ZBTB7C: variants seen among roughly 807,000 people sequenced by gnomAD.
ZBTB7C encodes zinc finger and BTB domain containing 7C, also known as zinc finger and BTB domain-containing protein 7C.
In ZBTB7C, 8 loss-of-function variants were observed where a neutral mutation model predicts 25.7. The ratio of observed to expected loss-of-function variants is 0.31; its 90% CI spans 0.18 to 0.56. The LOEUF is 0.56. Among genes scored for constraint, ZBTB7C ranks in the 20% least tolerant of loss-of-function variants. The probability of loss-of-function intolerance (pLI) is 0.91; values close to 1 mark genes in which losing one functional copy is unlikely to be tolerated. For missense variants in ZBTB7C, 824 were observed against 855.2 expected, an observed-to-expected ratio of 0.96 and a Z score of 0.46; for synonymous variants, 394 against 369.0, an observed-to-expected ratio of 1.07 and a Z score of -0.78.
intron 2 of ZBTB7C, among the ~76,000 whole-genome samples, chr18:48,309,006 G>T (rs1175137405): frequency 1.3e-5 from 2 of 152,190 alleles, no homozygotes; most frequent in Non-Finnish European, 2.9e-5. Flanking sequence ...TCTACCTGAA[G>T]ATTCTAGAAC....
At chr18:48,340,218 T>G (rs969090529) in intron 1 of ZBTB7C, among the ~76,000 whole-genome samples, 1 of 152,216 alleles carries the variant, frequency 6.6e-6, no homozygotes, top group Non-Finnish European at 1.5e-5. Context: ...CATTCCTACT[T>G]AGCAAGGAAA....
At chr18:48,255,521 C>G (rs1325058816) in intron 2 of ZBTB7C, among the ~76,000 whole-genome samples, 2 of 152,100 alleles carry the variant, frequency 1.3e-5, no homozygotes, top group Non-Finnish European at 2.9e-5. Context: ...GTTTATCTGA[C>G]CTTCCAAGAA....
chr18:48,120,545 G>A (rs1472817224), intron 3 of ZBTB7C, among the ~76,000 whole-genome samples: 1 of 152,268 alleles, frequency 6.6e-6, no homozygotes, highest in African/African-American at 2.4e-5. Flanking sequence ...TGGAGGTGGA[G>A]GTTGCAGTGA....
intron 3 of ZBTB7C, among the ~76,000 whole-genome samples, chr18:48,181,028 A>G (rs973494623): frequency 6.6e-6 from 1 of 152,220 alleles, no homozygotes; most frequent in Non-Finnish European, 1.5e-5. Context: ...AGCAGATAGT[A>G]TAAGTTTCCA....
chr18:48,228,745 T>TCACACACACA (rs1375739209), intron 2 of ZBTB7C, among the ~76,000 whole-genome samples: 47 of 136,730 alleles, frequency 3.4e-4, no homozygotes, highest in Middle Eastern at 6.9e-3. Context: ...TCTCTCTCTC[T>TCACACACACA]CTCACACACA....
chr18:48,141,153 CCA>C (rs1555699064), intron 3 of ZBTB7C, among the ~76,000 whole-genome samples: 1 of 148,686 alleles, frequency 6.7e-6, no homozygotes, highest in South Asian at 2.2e-4. Context: ...ACCACCCCCC[CCA>C]CTGTTCCTTC....
At chr18:48,204,382 C>T (rs1281787554) in intron 2 of ZBTB7C, among the ~76,000 whole-genome samples, 1 of 152,284 alleles carries the variant, frequency 6.6e-6, no homozygotes, top group East Asian at 1.9e-4. Context: ...CTTTCTTGGC[C>T]TTCTGGGCTG....
chr18:48,125,755 G>A (rs1199508681), intron 3 of ZBTB7C, among the ~76,000 whole-genome samples: 1 of 152,220 alleles, frequency 6.6e-6, no homozygotes, highest in Non-Finnish European at 1.5e-5. Flanking sequence ...GGTGGCTCCA[G>A]TAGACAAGGT....
At chr18:48,356,096 C>T (rs1466229481) in intron 1 of ZBTB7C, among the ~76,000 whole-genome samples, 2 of 152,196 alleles carry the variant, frequency 1.3e-5, no homozygotes, top group South Asian at 2.1e-4. Context: ...CAGGCAACTC[C>T]GATGCGCATG....
At chr18:48,050,772 G>GT (rs991184962) in intron 3 of ZBTB7C, among the ~76,000 whole-genome samples, 1 of 151,936 alleles carries the variant, frequency 6.6e-6, no homozygotes. Context: ...TAAGGTCTGA[G>GT]TTTTTTTTCT....
intron 2 of ZBTB7C, among the ~76,000 whole-genome samples, chr18:48,262,438 A>G (rs1235435501): frequency 6.6e-6 from 1 of 152,158 alleles, no homozygotes; most frequent in Admixed American, 6.5e-5. Flanking sequence ...ATCCTCAGAG[A>G]GCTTGCTGTC....
At chr18:48,330,132 C>T (rs905616230) in intron 2 of ZBTB7C, among the ~76,000 whole-genome samples, 6 of 152,170 alleles carry the variant, frequency 3.9e-5, no homozygotes, top group Admixed American at 2.6e-4. Flanking sequence ...ATAGCTTATG[C>T]GTAGCCTTCT....
chr18:48,400,820 C>T (rs1029447165), intron 1 of ZBTB7C, among the ~76,000 whole-genome samples: 1 of 152,182 alleles, frequency 6.6e-6, no homozygotes, highest in East Asian at 1.9e-4. Flanking sequence ...ACATGGATGA[C>T]TCTTGCTATA....
At chr18:48,248,708 G>A (rs989092510) in intron 2 of ZBTB7C, among the ~76,000 whole-genome samples, 7 of 152,082 alleles carry the variant, frequency 4.6e-5, no homozygotes, top group African/African-American at 1.7e-4. Context: ...AAGGCACCTG[G>A]TAACTCGATG....
intron 2 of ZBTB7C, among the ~76,000 whole-genome samples, chr18:48,293,256 G>C (rs1408836766): frequency 6.6e-6 from 1 of 152,090 alleles, no homozygotes; most frequent in Non-Finnish European, 1.5e-5. Flanking sequence ...TCCTCACTTG[G>C]CCTTCCTCAC....
At chr18:48,157,323 A>G (rs1333119154) in intron 3 of ZBTB7C, among the ~76,000 whole-genome samples, 3 of 152,188 alleles carry the variant, frequency 2.0e-5, no homozygotes, top group African/African-American at 7.2e-5. Flanking sequence ...CCATGGGGAA[A>G]GGGGTCCAGA....
intron 2 of ZBTB7C, among the ~76,000 whole-genome samples, chr18:48,274,348 TG>T (rs1378758976): frequency 1.1e-4 from 17 of 152,228 alleles, no homozygotes; most frequent in African/African-American, 3.9e-4. Context: ...TGTCTTGTTT[TG>T]TTTTTTTATG....
intron 2 of ZBTB7C, among the ~76,000 whole-genome samples, chr18:48,273,558 T>C (rs906420045): frequency 1.3e-5 from 2 of 152,068 alleles, no homozygotes; most frequent in African/African-American, 4.8e-5. Context: ...AACTACATAA[T>C]AGTTATTATA....
At chr18:48,045,218 A>G (rs1382472845) in intron 3 of ZBTB7C, among the ~76,000 whole-genome samples, 1 of 152,230 alleles carries the variant, frequency 6.6e-6, no homozygotes, top group Non-Finnish European at 1.5e-5. Flanking sequence ...AGGCTTGGCC[A>G]GCCTCAGGGG....
Sources: allele counts gnomAD v4.1 joint callset (sites outside exome capture counted in the v4.1 genomes callset), GRCh38; gene constraint gnomAD v4.1.1; transcripts MANE v1.5; gene names NCBI Gene and HGNC (gene_info 2026-07-23, HGNC 2026-07-21).